The following ANO10 variants were observed in gnomAD, a reference collection of about 807,000 sequenced individuals.
ANO10 encodes the protein anoctamin-10.
ANO10 carries 77 observed loss-of-function variants against 74.7 expected under a neutral mutation model. The observed-to-expected ratio is 1.03, with a 90% confidence interval of 0.86 to 1.25. The LOEUF is 1.25. Ranked by LOEUF, ANO10 falls within the 50% of genes most tolerant of loss-of-function variation. The pLI is 0.00. For synonymous variants in ANO10, 279 were observed against 284.9 expected, an observed-to-expected ratio of 0.98 and a Z score of 0.21; for missense variants, 721 against 778.1, an observed-to-expected ratio of 0.93 and a Z score of 0.87.
chr3:43,604,460 G>C (rs2082471028), intron 2 of ANO10, among the ~76,000 whole-genome samples: 1 of 150,818 alleles, frequency 6.6e-6, no homozygotes, highest in Non-Finnish European at 1.5e-5. Context: ...TAACTATTCA[G>C]CCGCCTGTTT....
chr3:43,506,012 T>C (rs964395855), intron 11 of ANO10, among the ~76,000 whole-genome samples: 1 of 152,200 alleles, frequency 6.6e-6, no homozygotes, highest in Non-Finnish European at 1.5e-5. Flanking sequence ...ATTCCGATGA[T>C]GAATAAAATA....
At chr3:43,492,424 G>C (rs1454518278) in intron 11 of ANO10, among the ~76,000 whole-genome samples, 1 of 152,186 alleles carries the variant, frequency 6.6e-6, no homozygotes, top group Non-Finnish European at 1.5e-5. Context: ...GGCAACAAAA[G>C]CCAAAATTGA....
At chr3:43,494,357 G>A (rs931393199) in intron 11 of ANO10, among the ~76,000 whole-genome samples, 2 of 152,204 alleles carry the variant, frequency 1.3e-5, no homozygotes, top group African/African-American at 4.8e-5. Context: ...GGCGGCTGAG[G>A]CAGGAGAATT....
At chr3:43,391,192 T>C (rs2092265710) in intron 12 of ANO10, among the ~76,000 whole-genome samples, 3 of 152,304 alleles carry the variant, frequency 2.0e-5, no homozygotes, top group East Asian at 1.9e-4. Flanking sequence ...GTTCCCTAAA[T>C]GATTTTGAAA....
At chr3:43,407,608 C>A (rs2092599042) in intron 12 of ANO10, among the ~76,000 whole-genome samples, 1 of 152,144 alleles carries the variant, frequency 6.6e-6, no homozygotes, top group Non-Finnish European at 1.5e-5. Flanking sequence ...TTAGTGCACA[C>A]CCACCACAAG....
chr3:43,409,438 G>C (rs1233576265), intron 12 of ANO10, among the ~76,000 whole-genome samples: 1 of 152,128 alleles, frequency 6.6e-6, no homozygotes, highest in Non-Finnish European at 1.5e-5. Flanking sequence ...CCAGCTACTT[G>C]TGGGGTGAGG....
At chr3:43,536,995 C>CAAAAAAAAAAAAA (rs5848666) in intron 11 of ANO10, among the ~76,000 whole-genome samples, 2 of 78,618 alleles carry the variant, frequency 2.5e-5, no homozygotes, top group Non-Finnish European at 4.8e-5. Context: ...TTTCATCACT[C>CAAAAAAAAAAAAA]AAAAAAAAAA....
At chr3:43,629,929 T>A (rs1156351745) in intron 1 of ANO10, among the ~76,000 whole-genome samples, 2 of 152,186 alleles carry the variant, frequency 1.3e-5, no homozygotes, top group Admixed American at 6.5e-5. Context: ...TGAGACTGGA[T>A]GAACTCACCA....
chr3:43,597,159 G>T (rs536899206), intron 4 of ANO10, among the ~76,000 whole-genome samples: 1 of 152,312 alleles, frequency 6.6e-6, no homozygotes, highest in South Asian at 2.1e-4. Flanking sequence ...CTTTTACACT[G>T]TTGGTGGGAC....
At chr3:43,594,400 T>C (rs1182365473) in intron 4 of ANO10, among the ~76,000 whole-genome samples, 3 of 152,112 alleles carry the variant, frequency 2.0e-5, no homozygotes, top group Non-Finnish European at 1.5e-5. Flanking sequence ...ACAGAAATTA[T>C]AAAAAACTGT....
intron 11 of ANO10, among the ~76,000 whole-genome samples, chr3:43,433,139 G>T (rs1484677992): frequency 1.3e-5 from 2 of 151,440 alleles, no homozygotes; most frequent in East Asian, 1.9e-4. Context: ...AGAGACGGGG[G>T]TTTCACCATG....
At chr3:43,564,988 T>G (rs2080240762) in intron 8 of ANO10, among the ~76,000 whole-genome samples, 1 of 152,226 alleles carries the variant, frequency 6.6e-6, no homozygotes, top group African/African-American at 2.4e-5. Context: ...CAATTCCAAA[T>G]GTACTACTTT....
At chr3:43,531,615 C>T (rs1207622876) in intron 11 of ANO10, among the ~76,000 whole-genome samples, 6 of 152,114 alleles carry the variant, frequency 3.9e-5, no homozygotes, top group African/African-American at 1.4e-4. Flanking sequence ...ATCATGAGGC[C>T]GGGCGCAGTG....
At chr3:43,477,228 T>C (rs1314131007) in intron 11 of ANO10, among the ~76,000 whole-genome samples, 1 of 152,204 alleles carries the variant, frequency 6.6e-6, no homozygotes, top group Non-Finnish European at 1.5e-5. Flanking sequence ...TACAGTATTA[T>C]TGTAACTGTT....
At chr3:43,634,945 A>G (rs1452525834) in intron 1 of ANO10, among the ~76,000 whole-genome samples, 1 of 152,158 alleles carries the variant, frequency 6.6e-6, no homozygotes, top group Non-Finnish European at 1.5e-5. Flanking sequence ...TGGGAAGTGG[A>G]ATAGTCAGGC....
intron 5 of ANO10, among the ~76,000 whole-genome samples, chr3:43,578,627 G>A (rs1372169140): frequency 3.3e-5 from 5 of 152,050 alleles, no homozygotes; most frequent in South Asian, 2.1e-4. Flanking sequence ...GTGTGTACCT[G>A]TAGTCCCAGC....
rs577727199 is a variant in ANO10, at chr3:43,664,681, G to GA, written c.-12+26835dup. Reference sequence around the variant, plus strand: ...ATCTACAAAGAACTTAAATTTACAAGAAAAAAGCAAACAAGCCCATCAAAA... The same window carrying GA: ...ATCTACAAAGAACTTAAATTTACAAGAAAAAAAGCAAACAAGCCCATCAAAA... On this transcript the variant is annotated intron_variant, in intron 1 of 3. Transcript: ENST00000413397. Among the ~76,000 whole-genome samples, 100 of 152,066 alleles carry GA rather than the reference G, an allele frequency of 6.6e-4. 3 individuals are homozygous for GA. Among genetic ancestry groups the GA allele is most frequent in the African/African-American group, 2.3e-3 (97 of 41,478 alleles).
At chr3:43,376,016 TTGG>T (rs1362735861) in intron 12 of ANO10, among the ~76,000 whole-genome samples, 1 of 152,212 alleles carries the variant, frequency 6.6e-6, no homozygotes, top group East Asian at 1.9e-4. Context: ...AAGGAGCCCC[TTGG>T]TGGTTCATTG....
At chr3:43,657,898 T>TA (rs1393713604) in intron 1 of ANO10, among the ~76,000 whole-genome samples, 4 of 152,362 alleles carry the variant, frequency 2.6e-5, no homozygotes, top group African/African-American at 9.6e-5. Flanking sequence ...TGGAAAAACT[T>TA]AAAGATCTCA....
Sources: allele counts gnomAD v4.1 joint callset (sites outside exome capture counted in the v4.1 genomes callset), GRCh38; gene constraint gnomAD v4.1.1; transcripts MANE v1.5; gene names NCBI Gene and HGNC (gene_info 2026-07-23, HGNC 2026-07-21).